The following LRP1B variants were observed in gnomAD, a reference collection of about 807,000 sequenced individuals.
LRP1B encodes the protein LDL receptor related protein 1B.
Under a neutral mutation model 556.6 loss-of-function variants are expected in LRP1B, and 217 were observed. The observed-to-expected ratio is 0.39, with a 90% CI of 0.35 to 0.44. LRP1B has a LOEUF of 0.44. Among genes scored for constraint, LRP1B ranks in the 20% least tolerant of loss-of-function variants. LRP1B has a pLI of 1.00. For missense variants in LRP1B, 5,053 were observed against 5,620.8 expected (o/e 0.90, Z 3.23); for synonymous variants, 2,047 against 1,865.8 (o/e 1.10, Z -2.50).
intron 2 of LRP1B, among the ~76,000 whole-genome samples, chr2:141,704,802 A>G (rs1028547191): frequency 2.0e-5 from 3 of 151,966 alleles, no homozygotes; most frequent in African/African-American, 7.2e-5. Context: ...ATTATCTGGT[A>G]TAATTGACTA....
intron 3 of LRP1B, among the ~76,000 whole-genome samples, chr2:141,278,897 A>T (rs2105383371): frequency 6.6e-6 from 1 of 152,154 alleles, no homozygotes; most frequent in Admixed American, 6.5e-5. Flanking sequence ...TTCTTCAATT[A>T]CTCTTAATTG....
At chr2:140,356,138 C>T (rs930256598) in intron 75 of LRP1B, among the ~76,000 whole-genome samples, 1 of 150,388 alleles carries the variant, frequency 6.6e-6, no homozygotes, top group Admixed American at 6.7e-5. Context: ...ATAGAAAAAG[C>T]TTTGTAGCCT....
chr2:141,794,364 C>T (rs941409309), intron 2 of LRP1B, among the ~76,000 whole-genome samples: 3 of 151,988 alleles, frequency 2.0e-5, no homozygotes, highest in Non-Finnish European at 4.4e-5. Flanking sequence ...ATCCCTCTTA[C>T]AAATCACCTT....
intron 41 of LRP1B, among the ~76,000 whole-genome samples, chr2:140,636,279 A>G (rs1484893156): frequency 1.3e-5 from 2 of 152,152 alleles, no homozygotes; most frequent in Admixed American, 1.3e-4. Context: ...CCCGTGGTAG[A>G]TTATGTATAG....
At chr2:140,961,894 G>C (rs1212828640) in intron 18 of LRP1B, among the ~76,000 whole-genome samples, 1 of 152,088 alleles carries the variant, frequency 6.6e-6, no homozygotes, top group African/African-American at 2.4e-5. Context: ...TGCAAGTAGA[G>C]GTAATAACCA....
chr2:141,940,920 G>C (rs1473255423), intron 1 of LRP1B, among the ~76,000 whole-genome samples: 1 of 152,160 alleles, frequency 6.6e-6, no homozygotes, highest in Non-Finnish European at 1.5e-5. Context: ...ACGTCACCTA[G>C]CTAGCCAGTG....
chr2:141,310,968 G>C (rs1686792196), intron 3 of LRP1B, among the ~76,000 whole-genome samples: 1 of 152,130 alleles, frequency 6.6e-6, no homozygotes, highest in South Asian at 2.1e-4. Context: ...ACATCATTAA[G>C]AAGCATAAAT....
intron 62 of LRP1B, among the ~76,000 whole-genome samples, chr2:140,452,342 A>C (rs1422427729): frequency 6.6e-6 from 1 of 152,158 alleles, no homozygotes; most frequent in African/African-American, 2.4e-5. Flanking sequence ...TTCCATACAG[A>C]GCACATTCAT....
At chr2:141,918,074 ACAGT>A (rs1175820741) in intron 1 of LRP1B, among the ~76,000 whole-genome samples, 3 of 152,106 alleles carry the variant, frequency 2.0e-5, no homozygotes, top group African/African-American at 7.2e-5. Flanking sequence ...TGAATTACAT[ACAGT>A]ATGATTCCAT....
At chr2:140,951,636 A>G (rs540635847) in intron 19 of LRP1B, among the ~76,000 whole-genome samples, 3 of 152,202 alleles carry the variant, frequency 2.0e-5, no homozygotes, top group Non-Finnish European at 4.4e-5. Context: ...ATAACATTTG[A>G]AAACAAATCT....
At chr2:141,740,545 CAG>C (rs1182674617) in intron 2 of LRP1B, among the ~76,000 whole-genome samples, 5 of 152,132 alleles carry the variant, frequency 3.3e-5, no homozygotes, top group Admixed American at 3.3e-4. Context: ...CGAGGGTAAA[CAG>C]GGCATCCATT....
At chr2:140,804,415 T>C (rs1690636841) in intron 32 of LRP1B, among the ~76,000 whole-genome samples, 1 of 152,072 alleles carries the variant, frequency 6.6e-6, no homozygotes, top group African/African-American at 2.4e-5. Context: ...TTTACTGTTT[T>C]TTATTGTATG....
intron 61 of LRP1B, 51 bp from the exon 62 acceptor site, chr2:140,456,654 T>C (rs1361586443): frequency 6.5e-7 from 1 of 1,527,864 alleles, no homozygotes; most frequent in Non-Finnish European, 8.9e-7. Context: ...TCAAGACTAA[T>C]AATATAACAT....
chr2:141,121,083 G>A (rs1033716028), intron 7 of LRP1B, among the ~76,000 whole-genome samples: 4 of 151,972 alleles, frequency 2.6e-5, no homozygotes, highest in Admixed American at 6.6e-5. Context: ...AAATCTAAGC[G>A]GTGCATTTAC....
At chr2:140,310,195 GT>G (rs1411864779) in intron 83 of LRP1B, among the ~76,000 whole-genome samples, 1 of 151,444 alleles carries the variant, frequency 6.6e-6, no homozygotes, top group East Asian at 1.9e-4. Context: ...TGCTTTCTGT[GT>G]TTTTTCTACT....
intron 21 of LRP1B, among the ~76,000 whole-genome samples, chr2:140,909,581 TG>T (rs1370399804): frequency 6.6e-6 from 1 of 151,302 alleles, no homozygotes; most frequent in Non-Finnish European, 1.5e-5. Context: ...TATAAACTTT[TG>T]CATTAACATC....
chr2:140,894,157 A>G (rs1265110239), intron 23 of LRP1B, among the ~76,000 whole-genome samples: 1 of 151,776 alleles, frequency 6.6e-6, no homozygotes, highest in Admixed American at 6.6e-5. Context: ...ATCACTCACT[A>G]CTCCCCAAGG....
intron 35 of LRP1B, among the ~76,000 whole-genome samples, chr2:140,717,463 TGAA>T (rs1687252502): frequency 6.6e-6 from 1 of 152,096 alleles, no homozygotes; most frequent in African/African-American, 2.4e-5. Context: ...TGAGAATACT[TGAA>T]GAATTGTTCT....
At chr2:141,879,062 GAC>G (rs1206229742) in intron 1 of LRP1B, among the ~76,000 whole-genome samples, 1 of 151,686 alleles carries the variant, frequency 6.6e-6, no homozygotes, top group Non-Finnish European at 1.5e-5. Flanking sequence ...GAATTCTAAA[GAC>G]ACATTCAGTT....
Sources: gnomAD v4.1 joint callset for allele counts (sites outside exome capture counted in the v4.1 genomes callset) on GRCh38, gnomAD v4.1.1 for gene constraint, MANE v1.5 for transcripts, NCBI Gene and HGNC (gene_info 2026-07-23, HGNC 2026-07-21) for gene names.